Variants in GUF1 observed in about 807,000 individuals in gnomAD.
GUF1 encodes translation factor GUF1, mitochondrial.
Under a neutral mutation model 82.4 loss-of-function variants are expected in GUF1, and 78 were observed. The ratio of observed to expected loss-of-function variants is 0.95; its 90% confidence interval spans 0.79 to 1.14. GUF1 has a LOEUF of 1.14. Ranked by LOEUF, GUF1 falls within the 50% of genes most tolerant of loss-of-function variation. The pLI is 0.00. For synonymous variants in GUF1, 279 were observed against 282.3 expected, an observed-to-expected ratio of 0.99 and a Z score of 0.12; for missense variants, 814 against 798.2, an observed-to-expected ratio of 1.02 and a Z score of -0.24.
chr4:44,689,908 C>T lies in GUF1; in HGVS notation c.1268C>T (p.Ala423Val). 1 of 1,608,228 alleles carries T rather than the reference C, an allele frequency of 6.2e-7. No homozygotes were observed. The highest frequency in any genetic ancestry group is 8.5e-7 in the Non-Finnish European group (1 of 1,175,812). ...FNQRLEQEYN[A>V]SVILTTPTVP... ...CAGCGACTGGAGCAAGAATATAATG[C>T]TTCTGTTATTTTAACAACCCCTACT... Residue 423 changes from alanine (A) to valine (V), a missense_variant, in exon 11 of 17, where the codon GCT becomes GTT. By Grantham distance (64) the Ala-to-Val change is moderately conservative. Transcript: ENST00000281543.
intron 14 of GUF1, among the ~76,000 whole-genome samples, chr4:44,695,055 C>T (rs548618997): frequency 3.3e-5 from 5 of 152,220 alleles, no homozygotes; most frequent in Admixed American, 1.3e-4. Flanking sequence ...CTGCCCGCCT[C>T]GGCCTCCCAA....
chr4:44,690,145 G>T (rs1715341789), intron 11 of GUF1, among the ~76,000 whole-genome samples, 170 bp downstream of exon 11: 1 of 105,456 alleles, frequency 9.5e-6, no homozygotes, highest in South Asian at 2.8e-4. Context: ...TTACCCTATG[G>T]CTAATGATGA....
At chr4:44,698,172 G>A (rs1009468755) in intron 16 of GUF1, among the ~76,000 whole-genome samples, 13 of 152,066 alleles carry the variant, frequency 8.5e-5, no homozygotes, top group Admixed American at 3.9e-4. Flanking sequence ...CTTAAATATC[G>A]TGAGAGTTGA....
In GUF1 at chr4:44,680,414, C is replaced by T. The variant is rs199625525; in HGVS notation, c.166-27C>T. The T allele has an allele frequency of 4.2e-4, 463 of 1,106,752 alleles. 7 individuals carry two copies. The South Asian group carries it at 5.6e-3, about 13-fold the overall frequency. The allele number at this position is 1,106,752 out of a possible 1,614,324, so 68.6% of individuals were successfully genotyped here. Reference sequence around the variant, plus strand: ...TTTGATAGTATGCCAAATTTATACTCCTAAATGTGGTATTTCCCCTTTCTA... The same window carrying T: ...TTTGATAGTATGCCAAATTTATACTTCTAAATGTGGTATTTCCCCTTTCTA... On this transcript the variant is annotated intron_variant, in intron 1 of 16. Coordinates refer to ENST00000281543, the MANE Select transcript of GUF1 (RefSeq NM_021927.3).
chr4:44,685,855 T>C, intron 6 of GUF1, 104 bp from the exon 7 acceptor site: 1 of 684,442 alleles, frequency 1.5e-6, no homozygotes, highest in Non-Finnish European at 2.5e-6. Flanking sequence ...AATTGATAAC[T>C]ATTGGAATTT....
At chr4:44,689,434 A>G (rs779655976) in intron 10 of GUF1, 25 bp downstream of exon 10, 10 of 1,588,402 alleles carry the variant, frequency 6.3e-6, no homozygotes, top group Non-Finnish European at 7.7e-6. Context: ...CATGTGTTTT[A>G]TAGGAAAGGG....
chr4:44,683,188 CATCTT>C (rs1473014780), intron 5 of GUF1, 42 bp from the exon 6 acceptor site: 10 of 1,157,710 alleles, frequency 8.6e-6, no homozygotes, highest in African/African-American at 1.7e-5. Context: ...ATACATAATA[CATCTT>C]ATCTTTATTA....
intron 11 of GUF1, 30 bp downstream of exon 11, chr4:44,690,005 ACT>A (rs1715331622): frequency 6.6e-7 from 1 of 1,509,674 alleles, no homozygotes. Context: ...GGTATTTAGT[ACT>A]GTTTTGCATT....
Position 44,688,080 on chromosome 4 carries a change from T to C in GUF1, c.1012T>C (p.Cys338Arg), listed in dbSNP as rs369673486. The C allele has an allele frequency of 6.2e-7, 1 of 1,612,458 alleles. No homozygotes were observed. Among genetic ancestry groups the C allele is most frequent in the Non-Finnish European group, 8.5e-7 (1 of 1,178,796 alleles). The change falls in exon 9 of 17, where the codon TGT (cysteine) becomes CGT (arginine). Residue 338 changes from cysteine to arginine, a missense_variant. Coordinates refer to ENST00000281543, the MANE Select transcript of GUF1 (RefSeq NM_021927.3). ...TGAAGCGCAAATAGGAGATACATTA[T>C]GTTTACATAAGCAACCAGTGGAGCC... ...VTEAQIGDTLCLHKQPVEPLP... is the reference protein window; with the variant it reads ...VTEAQIGDTLRLHKQPVEPLP...
chr4:44,682,411 G>C lies in GUF1; in HGVS notation c.585G>C (p.Lys195Asn). ...TATCGGTAATTCCAGTTATAAATAA[G>C]GTAATTACAATGAGACAACAGTGTT... ...AQLSVIPVIN[K>N]IDLKNADPER... The change falls in exon 5 of 17, where the codon AAG becomes AAC. Residue 195 changes from lysine to asparagine, a missense_variant and splice_region_variant. Transcript: ENST00000281543. 1 of 1,482,402 alleles carries C rather than the reference G, an allele frequency of 6.7e-7. No individual in the cohort carries two copies. Among genetic ancestry groups the C allele is most frequent in the Non-Finnish European group, 9.0e-7 (1 of 1,106,898 alleles). 91.8% of individuals were successfully genotyped at this position (1,482,402 alleles called of 1,614,324 possible). A position where few individuals can be genotyped will look rare whatever the true frequency, so the allele number is the denominator to read the frequency against.
chr4:44,682,156 C>G (rs1714806424), intron 4 of GUF1, 178 bp from the exon 5 acceptor site: 1 of 387,718 alleles, frequency 2.6e-6, no homozygotes, highest in Non-Finnish European at 4.7e-6. Context: ...CATATTGACC[C>G]CAAAGACATA....
At chr4:44,680,589 C>A (rs1030681953) in intron 2 of GUF1, 37 bp downstream of exon 2, 2 of 1,468,392 alleles carry the variant, frequency 1.4e-6, no homozygotes, top group Admixed American at 2.0e-5. Flanking sequence ...CTGATGGCTG[C>A]GAGTTATTGG....
chr4:44,681,580 A>AT (rs1714775556), intron 4 of GUF1, among the ~76,000 whole-genome samples: 1 of 152,098 alleles, frequency 6.6e-6, no homozygotes, highest in Non-Finnish European at 1.5e-5. Flanking sequence ...ATTTTAGGTG[A>AT]TTTTAAGGCA....
intron 8 of GUF1, among the ~76,000 whole-genome samples, chr4:44,687,359 C>G (rs1440232968): frequency 1.3e-5 from 2 of 151,618 alleles, no homozygotes; most frequent in Non-Finnish European, 2.9e-5. Flanking sequence ...CTAAAAACAG[C>G]ACTATATTGA....
At chr4:44,686,917 G>A (rs961049898) in intron 8 of GUF1, among the ~76,000 whole-genome samples, 8 of 151,812 alleles carry the variant, frequency 5.3e-5, no homozygotes, top group African/African-American at 1.9e-4. Flanking sequence ...TATTCTAAAT[G>A]ACTAGTTATA....
rs983557925 is a variant in GUF1 at position 44,678,556 on chromosome 4, GA to G, written c.-59del. 4.8e-5 allele frequency: 63 copies of G among 1,308,374 alleles called. No homozygotes were observed. The highest frequency in any genetic ancestry group is 5.6e-4 in the Middle Eastern group (2 of 3,560). 81.0% of individuals were successfully genotyped at this position (1,308,374 alleles called of 1,614,324 possible). On this transcript the variant is annotated 5_prime_UTR_variant, in exon 1 of 17. Coordinates refer to ENST00000281543, the MANE Select transcript of GUF1 (RefSeq NM_021927.3). ...ACCGGATCCTACGGGGGGTACCTTC[GA>G]AAAAAAACGGGCTATGCTGCTGTTG...
intron 15 of GUF1, 41 bp from the exon 16 acceptor site, chr4:44,697,367 T>A: frequency 7.5e-7 from 1 of 1,333,110 alleles, no homozygotes; most frequent in Non-Finnish European, 1.1e-6. Context: ...TTAAACAGTA[T>A]AATGGAATTA....
Position 44,690,733 on chromosome 4 carries a change from AAATT to A in GUF1, c.1354_1357del (p.Ile452GlnfsTer14). The A allele has an allele frequency of 6.4e-7, 1 of 1,563,104 alleles. No homozygotes were observed. Among genetic ancestry groups the A allele is most frequent in the Non-Finnish European group, 8.7e-7 (1 of 1,143,892 alleles). On this transcript the variant is annotated frameshift_variant, in exon 12 of 17. Coordinates refer to ENST00000281543, the MANE Select transcript of GUF1 (RefSeq NM_021927.3). LOFTEE classifies it high-confidence loss of function. ...AATTTTTAGGAACATAGAGAAAAAG[AAATT>A]ACAATTATCAATCCTGCACAATTCC...
Position 44,695,647 on chromosome 4 carries a change from G to A in GUF1, c.1748G>A (p.Cys583Tyr). 1.2e-6 allele frequency: 2 copies of A among 1,613,142 alleles called. No individual in the cohort carries two copies. The highest frequency in any genetic ancestry group is 1.7e-6 in the Non-Finnish European group (2 of 1,179,282). Residue 583 changes from cysteine to tyrosine, a missense_variant, in exon 15 of 17, where the codon TGT becomes TAT. Cys to Tyr is a radical substitution (Grantham distance 194). Coordinates refer to ENST00000281543, the MANE Select transcript of GUF1 (RefSeq NM_021927.3). Reference sequence around the variant, plus strand: ...GCTCATTCAATTGGCAAAGCCATATGTGAACGGCTGAAGGATTCTCTTCCT... The same window carrying A: ...GCTCATTCAATTGGCAAAGCCATATATGAACGGCTGAAGGATTCTCTTCCT... ...DKAHSIGKAICERLKDSLPRQ... is the reference protein window; with the variant it reads ...DKAHSIGKAIYERLKDSLPRQ...
Sources: allele counts gnomAD v4.1 joint callset (sites outside exome capture counted in the v4.1 genomes callset), GRCh38; gene constraint gnomAD v4.1.1; transcripts MANE v1.5; gene names NCBI Gene and HGNC (gene_info 2026-07-23, HGNC 2026-07-21).